The following SPIDR variants were observed in gnomAD, a reference collection of about 807,000 sequenced individuals.
SPIDR encodes DNA repair-scaffolding protein.
A neutral mutation model predicts 104.6 loss-of-function variants in SPIDR; 93 were observed. The ratio of observed to expected loss-of-function variants is 0.89; its 90% CI spans 0.75 to 1.06. The LOEUF (loss-of-function observed/expected upper bound fraction) is 1.06. Among genes scored for constraint, SPIDR ranks in the 50% least tolerant of loss-of-function variants. SPIDR has a pLI of 0.00. For synonymous variants in SPIDR, 431 were observed against 416.9 expected (o/e 1.03, Z -0.41); for missense variants, 1,154 against 1,111.2 (o/e 1.04, Z -0.55).
intron 8 of SPIDR, among the ~76,000 whole-genome samples, chr8:47,500,244 T>A (rs939895929): frequency 2.0e-5 from 3 of 152,310 alleles, no homozygotes; most frequent in East Asian, 1.9e-4. Flanking sequence ...GTTGAACTAG[T>A]TTACAGTCCC....
At chr8:47,600,168 G>A (rs114583667) in intron 10 of SPIDR, among the ~76,000 whole-genome samples, 116 of 152,318 alleles carry the variant, frequency 7.6e-4, no homozygotes, top group African/African-American at 2.7e-3. Context: ...CATCAGTTTG[G>A]TTTTGTTTAA....
At chr8:47,588,713 A>G (rs2060601467) in intron 8 of SPIDR, among the ~76,000 whole-genome samples, 1 of 152,152 alleles carries the variant, frequency 6.6e-6, no homozygotes, top group Non-Finnish European at 1.5e-5. Context: ...ATTTCTGTTG[A>G]TAATTCTTTA....
At chr8:47,381,898 A>G (rs1014546044) in intron 5 of SPIDR, among the ~76,000 whole-genome samples, 1 of 152,208 alleles carries the variant, frequency 6.6e-6, no homozygotes, top group Non-Finnish European at 1.5e-5. Flanking sequence ...TCAAATAATG[A>G]TATTAGTTTA....
At chr8:47,714,734 G>C (rs146388604) in intron 16 of SPIDR, among the ~76,000 whole-genome samples, 81 of 152,260 alleles carry the variant, frequency 5.3e-4, no homozygotes, top group African/African-American at 1.7e-3. Context: ...CCGTCCAGGT[G>C]GGGGGAGAGG....
At chr8:47,548,514 G>C (rs1392993809) in intron 8 of SPIDR, among the ~76,000 whole-genome samples, 1 of 152,204 alleles carries the variant, frequency 6.6e-6, no homozygotes, top group Non-Finnish European at 1.5e-5. Context: ...TAGGTGTGGT[G>C]ACGGGTGCCT....
intron 8 of SPIDR, chr8:47,527,561 A>G (rs567726130): frequency 6.6e-6 from 1 of 152,394 alleles, no homozygotes; most frequent in Non-Finnish European, 1.5e-5. Flanking sequence ...AGACAAAAAC[A>G]TGGACACCAG....
chr8:47,422,638 C>A (rs1381840371), intron 7 of SPIDR, among the ~76,000 whole-genome samples: 1 of 152,180 alleles, frequency 6.6e-6, no homozygotes, highest in Non-Finnish European at 1.5e-5. Flanking sequence ...TCTGACCATC[C>A]CCAGTGAGGT....
chr8:47,272,092 T>G (rs2035445528), intron 1 of SPIDR, among the ~76,000 whole-genome samples: 1 of 152,100 alleles, frequency 6.6e-6, no homozygotes, highest in Admixed American at 6.6e-5. Flanking sequence ...CTCAGCCTCC[T>G]GAGTAGCTGG....
intron 8 of SPIDR, among the ~76,000 whole-genome samples, chr8:47,516,591 G>A (rs760811195): frequency 1.3e-5 from 2 of 152,144 alleles, no homozygotes; most frequent in Non-Finnish European, 2.9e-5. Flanking sequence ...TCCACGTTAT[G>A]TGTCAGAATT....
intron 6 of SPIDR, among the ~76,000 whole-genome samples, chr8:47,402,256 A>C (rs1362161562): frequency 6.6e-6 from 1 of 152,232 alleles, no homozygotes; most frequent in African/African-American, 2.4e-5. Context: ...AAAGCAGGAA[A>C]GATCTAAAAT....
chr8:47,665,565 T>C (rs1006486354), intron 10 of SPIDR, among the ~76,000 whole-genome samples: 1 of 152,234 alleles, frequency 6.6e-6, no homozygotes, highest in African/African-American at 2.4e-5. Flanking sequence ...GTTTGTACTA[T>C]ATAAATATCT....
chr8:47,442,524 C>G (rs1554697998), intron 8 of SPIDR, among the ~76,000 whole-genome samples: 1 of 152,186 alleles, frequency 6.6e-6, no homozygotes, highest in African/African-American at 2.4e-5. Context: ...ATGCTCCCCT[C>G]TCCGTGTTCA....
intron 11 of SPIDR, 68 bp downstream of exon 11, chr8:47,674,009 CTAATT>C: frequency 6.5e-7 from 1 of 1,528,314 alleles, no homozygotes; most frequent in Non-Finnish European, 8.8e-7. Context: ...TCTTTTGTCT[CTAATT>C]TTATTTTTAA....
intron 10 of SPIDR, among the ~76,000 whole-genome samples, chr8:47,625,294 A>G (rs978847338): frequency 6.6e-6 from 1 of 152,240 alleles, no homozygotes; most frequent in African/African-American, 2.4e-5. Flanking sequence ...TGAATGGGCA[A>G]AAACTGGAAG....
intron 8 of SPIDR, among the ~76,000 whole-genome samples, chr8:47,496,852 T>C (rs2079543427): frequency 6.7e-6 from 1 of 150,318 alleles, no homozygotes; most frequent in East Asian, 1.9e-4. Flanking sequence ...TTGTCAGAAG[T>C]TTTAAGTTAC....
chr8:47,621,579 C>T (rs1007899815), intron 10 of SPIDR, among the ~76,000 whole-genome samples: 6 of 152,198 alleles, frequency 3.9e-5, no homozygotes, highest in Non-Finnish European at 7.3e-5. Context: ...GTGCACATAT[C>T]CATTTGGCCC....
At chr8:47,622,501 T>C (rs952826285) in intron 10 of SPIDR, among the ~76,000 whole-genome samples, 11 of 152,116 alleles carry the variant, frequency 7.2e-5, no homozygotes, top group Non-Finnish European at 1.5e-4. Context: ...GGGTCTCCTT[T>C]GGTGCTCTGC....
At chr8:47,274,767 G>A (rs1478523797) in intron 1 of SPIDR, among the ~76,000 whole-genome samples, 1 of 151,446 alleles carries the variant, frequency 6.6e-6, no homozygotes, top group East Asian at 2.0e-4. Flanking sequence ...GTAGAGACGG[G>A]TTTTCACCAG....
At chr8:47,704,112 T>C (rs1208683872) in intron 14 of SPIDR, among the ~76,000 whole-genome samples, 1 of 152,178 alleles carries the variant, frequency 6.6e-6, no homozygotes, top group African/African-American at 2.4e-5. Context: ...CTGCAGAAAG[T>C]GTGTGTGTGT....
Sources: gnomAD v4.1 joint callset for allele counts (sites outside exome capture counted in the v4.1 genomes callset) on GRCh38, gnomAD v4.1.1 for gene constraint, MANE v1.5 for transcripts, NCBI Gene and HGNC (gene_info 2026-07-23, HGNC 2026-07-21) for gene names.